Variants in TP53I11 observed in about 807,000 individuals in gnomAD.
The protein encoded by TP53I11 is tumor protein p53 inducible protein 11.
TP53I11 carries 9 observed loss-of-function variants against 23.3 expected under a neutral mutation model. That is an observed-to-expected ratio of 0.39 (90% CI 0.23 to 0.67). The LOEUF (loss-of-function observed/expected upper bound fraction) is 0.67, where lower values mean the gene tolerates loss of function less well. TP53I11 is among the 30% of genes least tolerant of loss of function. TP53I11 has a pLI of 0.48. For missense variants in TP53I11, 170 were observed against 255.2 expected, an observed-to-expected ratio of 0.67 and a Z score of 2.27; for synonymous variants, 100 against 106.1, an observed-to-expected ratio of 0.94 and a Z score of 0.35.
At chr11:44,943,275 GT>G (rs1862072912) in intron 1 of TP53I11, 1 of 152,278 alleles carries the variant, frequency 6.6e-6, no homozygotes, top group Admixed American at 6.5e-5. Flanking sequence ...GCCGTGCACA[GT>G]GGAAAAAGCC....
rs2135418051 is a variant in TP53I11, at chr11:44,935,548, C to T, written c.436+13G>A. On this transcript the variant is annotated intron_variant, in intron 6 of 6. Transcript: ENST00000525680. ...GCCCATCAGCCTCCCTCACTGCCCA[C>T]CTCAGGACTCACCCAAGAACTGGAC... 6.2e-7 allele frequency: 1 copy of T among 1,613,652 alleles called. No homozygotes were observed. Among genetic ancestry groups the T allele is most frequent in the Non-Finnish European group, 8.5e-7 (1 of 1,179,628 alleles).
chr11:44,947,308 C>A (rs967079909), intron 1 of TP53I11: 4 of 360,488 alleles, frequency 1.1e-5, no homozygotes, highest in African/African-American at 8.5e-5. Flanking sequence ...CCCTCAAGGG[C>A]AGCTGGTGTC....
At position 44,936,898 on chromosome 11, in the gene TP53I11, G is replaced by A. The variant is rs1241271177; in HGVS notation, c.239C>T (p.Ala80Val). The change falls in exon 5 of 7, where the codon GCG becomes GTG. Residue 80 changes from alanine (A) to valine (V), a missense_variant and splice_region_variant. Ala to Val is a moderately conservative substitution (Grantham distance 64). Transcript: ENST00000525680. The surrounding 1 kb of genome is among the most constrained non-coding windows in gnomAD (Gnocchi z 4.4). ...AVLFSGIAIM[A>V]LAFPDQLYDA... ...ATAGAGCTGGTCAGGGAAGGCAAGC[G>A]CCTGCGGGCAGCGAGAGGGGCTCAG... 1.9e-6 allele frequency: 3 copies of A among 1,602,520 alleles called. No homozygotes were observed. The highest frequency in any genetic ancestry group is 2.6e-6 in the Non-Finnish European group (3 of 1,175,682).
intron 1 of TP53I11, among the ~76,000 whole-genome samples, chr11:44,942,043 A>ACG: frequency 1.4e-3 from 3 of 2,140 alleles, no homozygotes; most frequent in Admixed American, 4.7e-3. Flanking sequence ...CCACACACAT[A>ACG]CACACCACAC....
chr11:44,939,950 G>A lies in TP53I11; in HGVS notation c.-31-1584C>T, dbSNP rs377529038. On this transcript the variant is annotated intron_variant, in intron 1 of 6. Coordinates refer to ENST00000525680, the MANE Select transcript of TP53I11 (RefSeq NM_006034.5). ...CACACCCGGCACACAAGAGACTCCCGGTTAATGCTTCGGTGTGTGCCAGCC... is the reference window on the plus strand; with the variant it reads ...CACACCCGGCACACAAGAGACTCCCAGTTAATGCTTCGGTGTGTGCCAGCC... Among the ~76,000 whole-genome samples the A allele has an allele frequency of 1.3e-3, 203 of 152,346 alleles. 2 individuals carry two copies. Among genetic ancestry groups the A allele is most frequent in the African/African-American group, 3.9e-3 (164 of 41,576 alleles).
In TP53I11 at chr11:44,949,453, G is replaced by A. The variant is rs183188128; in HGVS notation, c.-32+1224C>T. ...GTAGTGGGGCGGTGAGGGGGCCTTG[G>A]CCAGCCGCTCTGGGCTTTGGAGGAG... On this transcript the variant is annotated intron_variant, in intron 1 of 6. Coordinates refer to ENST00000525680, the MANE Select transcript of TP53I11 (RefSeq NM_006034.5). Among the ~76,000 whole-genome samples, 1,220 of 152,302 alleles carry A rather than the reference G, an allele frequency of 8.0e-3. 17 individuals are homozygous for A. Among genetic ancestry groups the A allele is most frequent in the African/African-American group, 0.028 (1,158 of 41,566 alleles).
rs564424905 is a variant in TP53I11, at chr11:44,938,231, G to A, written c.105C>T (p.Asp35=). The change falls in exon 2 of 7, where the codon GAC becomes GAT. Residue 35 remains aspartate (D), a synonymous_variant. Coordinates refer to ENST00000525680, the MANE Select transcript of TP53I11 (RefSeq NM_006034.5). ...RKILGVGGED[D]DGEVHRSKIS... ...CCTTGGAGCGATGCACCTCCCCGTC[G>A]TCATCCTCCCCGCCCACGCCGAGGA... 316 of 1,612,994 alleles carry A rather than the reference G, an allele frequency of 2.0e-4. 1 individual carries two copies. The East Asian group carries it at 2.9e-3, about 15-fold the overall frequency.
intron 1 of TP53I11, among the ~76,000 whole-genome samples, chr11:44,939,900 C>A (rs1053039621): frequency 6.6e-6 from 1 of 152,220 alleles, no homozygotes; most frequent in South Asian, 2.1e-4. Flanking sequence ...GAGACAGCGG[C>A]GGGTGGTAAC....
At position 44,935,039 on chromosome 11, in the gene TP53I11, G is replaced by A. The variant is rs753152912; in HGVS notation, c.437-22C>T. ...ACCACTGTGGGAGAGAGTCCAGCAA[G>A]GCCACAGGGTCAGAGGAGGGGATGT... is the stretch of plus-strand genomic sequence containing the variant. On this transcript the variant is annotated intron_variant, in intron 6 of 6. Transcript: ENST00000525680. 4 of 1,612,600 alleles carry A rather than the reference G, an allele frequency of 2.5e-6. No homozygotes were observed. The Admixed American group carries it at 6.7e-5, about 27-fold the overall frequency.
At chr11:44,942,090 A>G (rs535155167) in intron 1 of TP53I11, among the ~76,000 whole-genome samples, 2 of 26,968 alleles carry the variant, frequency 7.4e-5, no homozygotes, top group East Asian at 3.1e-3. Context: ...CATACAAACT[A>G]CACACACCAC....
chr11:44,939,559 C>T (rs1360147254), intron 1 of TP53I11, among the ~76,000 whole-genome samples: 4 of 152,238 alleles, frequency 2.6e-5, no homozygotes, highest in Non-Finnish European at 5.9e-5. Flanking sequence ...GCCAGGGCTG[C>T]CAGAGGCAGA....
chr11:44,938,724 G>C (rs1861443169), intron 1 of TP53I11, among the ~76,000 whole-genome samples: 1 of 152,140 alleles, frequency 6.6e-6, no homozygotes, highest in South Asian at 2.1e-4. Flanking sequence ...AAGGAGCCTG[G>C]ATTCATGGGG....
At chr11:44,938,452 C>A in intron 1 of TP53I11, 86 bp from the exon 2 acceptor site, 1 of 1,404,250 alleles carries the variant, frequency 7.1e-7, no homozygotes, top group East Asian at 2.7e-5. Context: ...GAAGGCCACA[C>A]CCCACACCAG....
chr11:44,942,707 C>T (rs1819580919), intron 1 of TP53I11, among the ~76,000 whole-genome samples: 1 of 152,218 alleles, frequency 6.6e-6, no homozygotes, highest in African/African-American at 2.4e-5. Context: ...GAGGGCATCA[C>T]TCACAAAGGG....
At chr11:44,948,049 T>G (rs962710692) in intron 1 of TP53I11, among the ~76,000 whole-genome samples, 4 of 152,008 alleles carry the variant, frequency 2.6e-5, no homozygotes, top group African/African-American at 9.7e-5. Flanking sequence ...GGAAGTGGGA[T>G]GAGAGAGAGC....
chr11:44,940,366 C>T (rs1292751502), intron 1 of TP53I11: 4 of 152,280 alleles, frequency 2.6e-5, no homozygotes, highest in Non-Finnish European at 4.4e-5. Flanking sequence ...ATCAAGACAA[C>T]GAGCAGTTCC....
intron 1 of TP53I11, chr11:44,940,960 CT>C (rs972675110): frequency 6.6e-6 from 1 of 152,282 alleles, no homozygotes; most frequent in African/African-American, 2.4e-5. Context: ...TGGTTAACCC[CT>C]CTCCCAGGCC....
intron 1 of TP53I11, among the ~76,000 whole-genome samples, chr11:44,939,585 C>G (rs545272482): frequency 6.6e-6 from 1 of 152,226 alleles, no homozygotes; most frequent in African/African-American, 2.4e-5. Flanking sequence ...GGGATGTCCC[C>G]GGGTCACCTC....
chr11:44,933,046 G>GGTGCCTGTGGGAGGCAGTA lies in TP53I11; in HGVS notation c.*1837_*1838insTACTGCCTCCCACAGGCAC, dbSNP rs61352147. ...CCTGTGGGCAGCAGCGGGAGGCAGTGGTGGCTCGTGGCCAGACCAGGGCTC... is the reference window on the plus strand; with the variant it reads ...CCTGTGGGCAGCAGCGGGAGGCAGTGGTGCCTGTGGGAGGCAGTAGTGGCTCGTGGCCAGACCAGGGCTC... On this transcript the variant is annotated 3_prime_UTR_variant, in exon 7 of 7. Coordinates refer to ENST00000525680, the MANE Select transcript of TP53I11 (RefSeq NM_006034.5). 135,066 of 152,202 alleles carry GGTGCCTGTGGGAGGCAGTA rather than the reference G, an allele frequency of 0.89. 59,990 individuals carry two copies. The highest frequency in any genetic ancestry group is 0.92 in the Admixed American group (14,065 of 15,288). The allele number at this position is 152,202 out of a possible 1,614,324, so 9.4% of individuals were successfully genotyped here.
Sources: allele counts gnomAD v4.1 joint callset (sites outside exome capture counted in the v4.1 genomes callset), GRCh38; gene constraint gnomAD v4.1.1; non-coding constraint Gnocchi (gnomAD v3.1); transcripts MANE v1.5; gene names NCBI Gene and HGNC (gene_info 2026-07-23, HGNC 2026-07-21).